Variants in CNTNAP5 observed in about 807,000 individuals in gnomAD.
CNTNAP5 encodes contactin-associated protein-like 5.
In CNTNAP5, 72 loss-of-function variants were observed where a neutral mutation model predicts 150.2. That is an observed-to-expected ratio of 0.48 (90% CI 0.40 to 0.58). CNTNAP5 has a LOEUF of 0.58. CNTNAP5 is among the 20% of genes least tolerant of loss of function. The pLI is 0.00. For missense variants in CNTNAP5, 1,636 were observed against 1,626.2 expected (o/e 1.01, Z -0.10); for synonymous variants, 672 against 619.8 (o/e 1.08, Z -1.25).
chr2:124,396,601 G>C (rs891659976), intron 3 of CNTNAP5, among the ~76,000 whole-genome samples: 1 of 151,988 alleles, frequency 6.6e-6, no homozygotes, highest in Admixed American at 6.6e-5. Context: ...AAAATAGCTT[G>C]GTACTTTAAA....
intron 11 of CNTNAP5, among the ~76,000 whole-genome samples, chr2:124,588,634 A>G (rs532706210): frequency 7.4e-4 from 113 of 152,254 alleles, no homozygotes; most frequent in Non-Finnish European, 1.2e-3. Context: ...TATAAACCTT[A>G]TTATTATGTA....
chr2:124,240,386 G>T (rs1170455623), intron 2 of CNTNAP5, among the ~76,000 whole-genome samples: 1 of 152,152 alleles, frequency 6.6e-6, no homozygotes, highest in East Asian at 1.9e-4. Flanking sequence ...TAGCCTGGAA[G>T]TGGCACAAAT....
chr2:124,472,254 A>G (rs1312752323), intron 6 of CNTNAP5, among the ~76,000 whole-genome samples: 1 of 152,224 alleles, frequency 6.6e-6, no homozygotes, highest in South Asian at 2.1e-4. Flanking sequence ...GATTTTTGAA[A>G]TAATCGTGAA....
chr2:124,454,614 G>A (rs1480893189), intron 6 of CNTNAP5, among the ~76,000 whole-genome samples: 1 of 152,022 alleles, frequency 6.6e-6, no homozygotes, highest in East Asian at 1.9e-4. Flanking sequence ...TGCGTAGAAT[G>A]TTCTCCAAGA....
At chr2:124,790,838 T>C (rs1573619525) in intron 18 of CNTNAP5, among the ~76,000 whole-genome samples, 1 of 152,304 alleles carries the variant, frequency 6.6e-6, no homozygotes, top group Non-Finnish European at 1.5e-5. Context: ...ATTGCTTAAA[T>C]TCTCTAGATA....
At chr2:124,171,403 C>T (rs1004827387) in intron 1 of CNTNAP5, among the ~76,000 whole-genome samples, 9 of 152,162 alleles carry the variant, frequency 5.9e-5, no homozygotes, top group African/African-American at 1.7e-4. Context: ...ACCACAAACC[C>T]TCAGCACGTT....
chr2:124,077,294 T>C (rs1383663605), intron 1 of CNTNAP5, among the ~76,000 whole-genome samples: 1 of 152,140 alleles, frequency 6.6e-6, no homozygotes. Context: ...ATTTTACAGG[T>C]ATAACCAGAT....
chr2:124,485,611 T>TAAAAA (rs1693856375), intron 7 of CNTNAP5, among the ~76,000 whole-genome samples: 4 of 35,658 alleles, frequency 1.1e-4, no homozygotes, highest in African/African-American at 1.4e-4. Context: ...AGACTCTGTC[T>TAAAAA]CAAAAAAAAA....
intron 19 of CNTNAP5, among the ~76,000 whole-genome samples, chr2:124,825,308 A>G (rs868366330): frequency 1.3e-5 from 2 of 152,104 alleles, no homozygotes; most frequent in East Asian, 1.9e-4. Flanking sequence ...TATTTTTTAG[A>G]TTTTTATCAT....
At chr2:124,552,579 C>T (rs970208347) in intron 10 of CNTNAP5, among the ~76,000 whole-genome samples, 7 of 152,096 alleles carry the variant, frequency 4.6e-5, no homozygotes, top group African/African-American at 1.7e-4. Flanking sequence ...GTCCCTTTAC[C>T]ATTGTCTGAT....
chr2:124,400,669 G>GTTTTTTTTTTTTTTTTTTT (rs760418441), intron 3 of CNTNAP5, among the ~76,000 whole-genome samples: 59 of 84,466 alleles, frequency 7.0e-4, no homozygotes, highest in East Asian at 1.6e-3. Context: ...TAAAGGCATT[G>GTTTTTTTTTTTTTTTTTTT]TTTTTTTTTT....
At chr2:124,804,553 C>G (rs1313921582) in intron 19 of CNTNAP5, among the ~76,000 whole-genome samples, 1 of 152,072 alleles carries the variant, frequency 6.6e-6, no homozygotes, top group Non-Finnish European at 1.5e-5. Context: ...AAGATCGGAG[C>G]CCTAATCCGA....
intron 1 of CNTNAP5, among the ~76,000 whole-genome samples, chr2:124,055,889 T>C (rs1333562193): frequency 6.6e-6 from 1 of 152,128 alleles, no homozygotes; most frequent in African/African-American, 2.4e-5. Context: ...TACTTATTTC[T>C]ATCCTCAATT....
intron 1 of CNTNAP5, among the ~76,000 whole-genome samples, chr2:124,116,486 C>A (rs180739883): frequency 9.5e-4 from 144 of 152,320 alleles, no homozygotes; most frequent in African/African-American, 3.2e-3. Flanking sequence ...TTCACTGTAT[C>A]CATGTACTTA....
At chr2:124,296,985 G>T (rs758530272) in intron 3 of CNTNAP5, among the ~76,000 whole-genome samples, 1 of 152,102 alleles carries the variant, frequency 6.6e-6, no homozygotes, top group East Asian at 1.9e-4. Flanking sequence ...TGCTCTCTGG[G>T]GCAGCTCCTT....
At chr2:124,347,097 A>G (rs1396681421) in intron 3 of CNTNAP5, among the ~76,000 whole-genome samples, 1 of 152,038 alleles carries the variant, frequency 6.6e-6, no homozygotes, top group Non-Finnish European at 1.5e-5. Flanking sequence ...CAAAAAATAA[A>G]TAATTAATTA....
At chr2:124,865,018 T>C (rs971663138) in intron 19 of CNTNAP5, among the ~76,000 whole-genome samples, 1 of 152,098 alleles carries the variant, frequency 6.6e-6, no homozygotes, top group Non-Finnish European at 1.5e-5. Flanking sequence ...AGTTTCATGA[T>C]CCAATTACAA....
At chr2:124,105,439 G>T (rs529203981) in intron 1 of CNTNAP5, among the ~76,000 whole-genome samples, 23 of 152,226 alleles carry the variant, frequency 1.5e-4, no homozygotes, top group South Asian at 1.2e-3. Context: ...CAGAGAATTT[G>T]CACCGATGTA....
chr2:124,260,196 C>A (rs1485394195), intron 3 of CNTNAP5, among the ~76,000 whole-genome samples: 1 of 152,050 alleles, frequency 6.6e-6, no homozygotes, highest in Non-Finnish European at 1.5e-5. Context: ...CAGAACAGAA[C>A]CCTCAGAAAT....
Sources: gnomAD v4.1 joint callset for allele counts (sites outside exome capture counted in the v4.1 genomes callset) on GRCh38, gnomAD v4.1.1 for gene constraint, MANE v1.5 for transcripts, NCBI Gene and HGNC (gene_info 2026-07-23, HGNC 2026-07-21) for gene names.